SHE: variants seen among roughly 807,000 people sequenced by gnomAD.
SHE encodes the protein Src homology 2 domain containing E.
Under a neutral mutation model 49.8 loss-of-function variants are expected in SHE, and 11 were observed. That is an observed-to-expected ratio of 0.22 (90% CI 0.14 to 0.37). The LOEUF (loss-of-function observed/expected upper bound fraction) is 0.37. SHE is among the 10% of genes least tolerant of loss of function. SHE has a pLI of 1.00. For missense variants in SHE, 624 were observed against 655.5 expected (o/e 0.95, Z 0.52); for synonymous variants, 310 against 278.1 (o/e 1.11, Z -1.14).
intron 2 of SHE, among the ~76,000 whole-genome samples, chr1:154,494,660 G>C (rs1177127680): frequency 6.6e-6 from 1 of 151,834 alleles, no homozygotes; most frequent in African/African-American, 2.4e-5. Context: ...GAGCTCAAAA[G>C]CTAAAACCAC....
At chr1:154,486,121 C>G in intron 4 of SHE, 59 bp from the exon 5 acceptor site, 3 of 1,586,156 alleles carry the variant, frequency 1.9e-6, no homozygotes, top group Non-Finnish European at 1.7e-6. Flanking sequence ...CAAATCCAGA[C>G]TGGGCATTGC....
chr1:154,473,527 G>C (rs1355598415), intron 1 of SHE, among the ~76,000 whole-genome samples: 2 of 152,030 alleles, frequency 1.3e-5, no homozygotes, highest in African/African-American at 4.8e-5. Flanking sequence ...TGGCAGCTGG[G>C]CGCTGTGGCT....
At chr1:154,470,357 T>C in exon 2 of SHE, 1 of 1,289,202 alleles carries the variant, frequency 7.8e-7, no homozygotes. Context: ...GAGCAGATGG[T>C]GATTTCTGTA....
At chr1:154,470,320 C>A (rs753895764) in exon 2 of SHE, 1 of 1,289,090 alleles carries the variant, frequency 7.8e-7, no homozygotes, top group Non-Finnish European at 1.0e-6. Context: ...GACATGGTTA[C>A]GGTGCTCTTT....
chr1:154,483,924 G>A lies in SHE; in HGVS notation c.*225C>T. ...GATGGGGAAGAACTGCTTGAACCCA[G>A]GAGTCAGATGTTGCAGTGAGCCAAG... is the stretch of plus-strand genomic sequence containing the variant. On this transcript the variant is annotated 3_prime_UTR_variant, in exon 6 of 6. Coordinates refer to ENST00000304760, the MANE Select transcript of SHE (RefSeq NM_001010846.3). 1 of 1,264,350 alleles carries A rather than the reference G, an allele frequency of 7.9e-7. No homozygotes were observed. 78.3% of individuals were successfully genotyped at this position (1,264,350 alleles called of 1,614,324 possible).
In SHE at chr1:154,482,971, C is replaced by CTAA. The variant is rs1692061734; in HGVS notation, c.*1175_*1177dup. 1.0e-6 allele frequency: 1 copy of CTAA among 984,804 alleles called. No individual in the cohort carries two copies. Among genetic ancestry groups the CTAA allele is most frequent in the Non-Finnish European group, 1.2e-6 (1 of 829,574 alleles). The allele number at this position is 984,804 out of a possible 1,614,324, so 61.0% of individuals were successfully genotyped here. A position where few individuals can be genotyped will look rare whatever the true frequency, so the allele number is the denominator to read the frequency against. On this transcript the variant is annotated 3_prime_UTR_variant, in exon 6 of 6. Coordinates refer to ENST00000304760, the MANE Select transcript of SHE (RefSeq NM_001010846.3). ...AAAATTAAAAATTATTCCATAGCAA[C>CTAA]TAAAATGCCCAATGATGATGAAACA...
Position 154,481,467 on chromosome 1 carries a change from A to G in SHE, c.*2682T>C. 1 of 985,478 alleles carries G rather than the reference A, an allele frequency of 1.0e-6. No individual in the cohort carries two copies. Among genetic ancestry groups the G allele is most frequent in the East Asian group, 1.1e-4 (1 of 8,824 alleles). 61.0% of individuals were successfully genotyped at this position (985,478 alleles called of 1,614,324 possible). A position where few individuals can be genotyped will look rare whatever the true frequency, so the allele number is the denominator to read the frequency against. ...ATAGAAGAAGCATAATACTGGGCAT[A>G]TGACAGAAGCTCAATAAATACTTAA... On this transcript the variant is annotated 3_prime_UTR_variant, in exon 6 of 6. Coordinates refer to ENST00000304760, the MANE Select transcript of SHE (RefSeq NM_001010846.3).
At chr1:154,495,482 G>T (rs1295868741) in intron 2 of SHE, among the ~76,000 whole-genome samples, 1 of 151,918 alleles carries the variant, frequency 6.6e-6, no homozygotes, top group Non-Finnish European at 1.5e-5. Context: ...CAAAGTTTTG[G>T]GGGGACCCAG....
In SHE at chr1:154,481,846, GTTTT is replaced by G. The variant is rs1311189084; in HGVS notation, c.*2299_*2302del. 2.3e-5 allele frequency: 22 copies of G among 966,250 alleles called. No individual in the cohort carries two copies. In the East Asian group the frequency reaches 2.3e-3, roughly 100 times the overall value. 59.9% of individuals were successfully genotyped at this position (966,250 alleles called of 1,614,324 possible). On this transcript the variant is annotated 3_prime_UTR_variant, in exon 6 of 6. Transcript: ENST00000304760. The stretch of plus-strand genomic sequence containing the variant: ...GTATCTGAAAAAAACATTCCTTTTG[GTTTT>G]TTGTTTGCTTGCTTGTTGAGACAGG...
intron 1 of SHE, among the ~76,000 whole-genome samples, chr1:154,470,530 T>A (rs1301379404): frequency 6.6e-6 from 1 of 152,032 alleles, no homozygotes; most frequent in African/African-American, 2.4e-5. Flanking sequence ...GTAGCAGAGG[T>A]GTGCTGGCGA....
At chr1:154,470,913 G>A (rs1028250607) in intron 1 of SHE, among the ~76,000 whole-genome samples, 2 of 152,072 alleles carry the variant, frequency 1.3e-5, no homozygotes, top group African/African-American at 4.8e-5. Context: ...GGGAGGCTGA[G>A]GCAGGAGGAC....
intron 3 of SHE, among the ~76,000 whole-genome samples, chr1:154,487,390 T>C (rs1384132379): frequency 1.3e-5 from 2 of 151,544 alleles, no homozygotes; most frequent in African/African-American, 4.8e-5. Flanking sequence ...ACCAAACCAA[T>C]AGTTTTTAGT....
At chr1:154,472,079 A>G (rs374525662) in intron 1 of SHE, among the ~76,000 whole-genome samples, 4 of 152,210 alleles carry the variant, frequency 2.6e-5, no homozygotes, top group African/African-American at 7.2e-5. Flanking sequence ...AGGCTGAGGC[A>G]TGAGAATCGC....
rs1452703435 is a variant in SHE, at chr1:154,501,542, G to A, written c.485C>T (p.Pro162Leu). The A allele has an allele frequency of 1.9e-6, 3 of 1,614,026 alleles. No homozygotes were observed. Among genetic ancestry groups the A allele is most frequent in the African/African-American group, 1.3e-5 (1 of 74,928 alleles). Residue 162 changes from proline (P) to leucine (L), a missense_variant, in exon 1 of 6, where the codon CCC (proline) becomes CTC (leucine). This residue lies in a region of SHE where 337 missense variants were observed against 306.0 expected (regional missense o/e 1.10). Transcript: ENST00000304760. ...TQEKNGKSNY[P>L]SSSSSSSSSS... ...GCTGGAGCTGGAGCTACTGCTGCTG[G>A]GGTAGTTGCTCTTCCCGTTCTTCTC...
intron 5 of SHE, 99 bp from the exon 6 acceptor site, chr1:154,484,434 T>C: frequency 1.0e-6 from 1 of 979,654 alleles, no homozygotes; most frequent in Non-Finnish European, 1.5e-6. Flanking sequence ...TGATAGGTTC[T>C]CATCCATCCC....
rs1691989961 is a variant in SHE, at chr1:154,480,480, C to T, written c.*3669G>A. ...CAATAACAGACTAGTAACAGAGTTA[C>T]ATAATCCAATTAACAAATTAGGACA... On this transcript the variant is annotated 3_prime_UTR_variant, in exon 6 of 6. Coordinates refer to ENST00000304760, the MANE Select transcript of SHE (RefSeq NM_001010846.3). The T allele has an allele frequency of 1.0e-6, 1 of 985,468 alleles. No individual in the cohort carries two copies. The highest frequency in any genetic ancestry group is 1.2e-6 in the Non-Finnish European group (1 of 829,936). 61.0% of individuals were successfully genotyped at this position (985,468 alleles called of 1,614,324 possible).
chr1:154,493,531 A>T (rs528769960), intron 2 of SHE, among the ~76,000 whole-genome samples: 5 of 152,320 alleles, frequency 3.3e-5, no homozygotes, highest in African/African-American at 1.2e-4. Context: ...GGCAGCAGAT[A>T]AACACTCATT....
In SHE at chr1:154,483,984, C is replaced by T. The variant is rs569603116; in HGVS notation, c.*165G>A. The T allele has an allele frequency of 3.7e-5, 53 of 1,415,100 alleles. No homozygotes were observed. The highest frequency in any genetic ancestry group is 2.6e-4 in the Middle Eastern group (1 of 3,794). The allele number at this position is 1,415,100 out of a possible 1,614,324, so 87.7% of individuals were successfully genotyped here. A position where few individuals can be genotyped will look rare whatever the true frequency, so the allele number is the denominator to read the frequency against. ...TTGCACTCCAGCCTGGGCAACACAG[C>T]GAGACTTCGTCTCAAACAAAACAAA... On this transcript the variant is annotated 3_prime_UTR_variant, in exon 6 of 6. Transcript: ENST00000304760.
At chr1:154,488,390 C>T (rs1260257139) in intron 3 of SHE, among the ~76,000 whole-genome samples, 5 of 151,864 alleles carry the variant, frequency 3.3e-5, no homozygotes, top group Admixed American at 2.0e-4. Context: ...TCTTGAGTAG[C>T]TGGGACTACA....
Sources: allele counts gnomAD v4.1 joint callset (sites outside exome capture counted in the v4.1 genomes callset), GRCh38; gene constraint gnomAD v4.1.1; regional missense constraint gnomAD v4.1.1; transcripts MANE v1.5; gene names NCBI Gene and HGNC (gene_info 2026-07-23, HGNC 2026-07-21).